Variants in ANKRD30BL observed in about 807,000 individuals in gnomAD.
ANKRD30BL encodes putative ankyrin repeat domain-containing protein 30B-like.
ANKRD30BL carries 20 observed loss-of-function variants against 18.4 expected under a neutral mutation model. That is an observed-to-expected ratio of 1.09 (90% CI 0.77 to 1.58). ANKRD30BL has a LOEUF of 1.58. Ranked by LOEUF, ANKRD30BL falls within the 40% of genes most tolerant of loss-of-function variation. The probability of loss-of-function intolerance (pLI) is 0.00; values close to 1 mark genes in which losing one functional copy is unlikely to be tolerated. For missense variants in ANKRD30BL, 224 were observed against 268.6 expected (o/e 0.83, Z 1.16); for synonymous variants, 72 against 100.9 (o/e 0.71, Z 1.72).
chr2:132,177,304 C>A (rs1688381697), intron 1 of ANKRD30BL, among the ~76,000 whole-genome samples: 1 of 152,080 alleles, frequency 6.6e-6, no homozygotes, highest in Non-Finnish European at 1.5e-5. Context: ...CAAGTGTGCA[C>A]CACCATGCCC....
intron 1 of ANKRD30BL, among the ~76,000 whole-genome samples, chr2:132,249,038 A>G (rs1332817706): frequency 6.6e-6 from 1 of 152,208 alleles, no homozygotes; most frequent in African/African-American, 2.4e-5. Context: ...CCATCTGCTC[A>G]ATGAAAAGAA....
intron 1 of ANKRD30BL, among the ~76,000 whole-genome samples, chr2:132,181,647 CA>C (rs1464884871): frequency 1.3e-5 from 2 of 152,064 alleles, no homozygotes; most frequent in African/African-American, 4.8e-5. Context: ...CCCTGGAGGC[CA>C]CATCTAAGGA....
chr2:132,175,702 A>G (rs1688356639), intron 1 of ANKRD30BL, among the ~76,000 whole-genome samples: 1 of 152,244 alleles, frequency 6.6e-6, no homozygotes, highest in South Asian at 2.1e-4. Context: ...TTTCCAGGGC[A>G]GAGGTCCCTG....
intron 1 of ANKRD30BL, among the ~76,000 whole-genome samples, chr2:132,222,652 G>A (rs1255087745): frequency 6.6e-6 from 1 of 151,664 alleles, no homozygotes; most frequent in Non-Finnish European, 1.5e-5. Context: ...CTCATTAAGA[G>A]TCATCACCAC....
chr2:132,201,466 C>T (rs1387997409), intron 1 of ANKRD30BL, among the ~76,000 whole-genome samples: 2 of 152,118 alleles, frequency 1.3e-5, no homozygotes, highest in Non-Finnish European at 2.9e-5. Context: ...ACAACCCCAT[C>T]AAAAAGTGGG....
chr2:132,240,237 G>A (rs1573880758), intron 1 of ANKRD30BL, among the ~76,000 whole-genome samples: 1 of 151,658 alleles, frequency 6.6e-6, no homozygotes, highest in Admixed American at 6.6e-5. Flanking sequence ...TCCTTATATA[G>A]AGCAGATTTG....
chr2:132,253,733 G>T (rs10170235), intron 1 of ANKRD30BL, among the ~76,000 whole-genome samples: 4 of 151,490 alleles, frequency 2.6e-5, no homozygotes, highest in Admixed American at 6.6e-5. Flanking sequence ...CAGGCAGACC[G>T]GCGACCCCTC....
intron 1 of ANKRD30BL, among the ~76,000 whole-genome samples, chr2:132,158,863 G>A (rs1042229329): frequency 6.6e-6 from 1 of 151,550 alleles, no homozygotes; most frequent in Non-Finnish European, 1.5e-5. Flanking sequence ...TAAAAAGATT[G>A]TCTTTTGAAG....
At chr2:132,151,829 G>A (rs72483726) in intron 4 of ANKRD30BL, among the ~76,000 whole-genome samples, 17,929 of 151,710 alleles carry the variant, frequency 0.12, 1,267 homozygotes, top group East Asian at 0.23. Flanking sequence ...CTATTACTGA[G>A]CTCATCAGTC....
chr2:132,148,614 C>T (rs1227176776), intron 5 of ANKRD30BL, among the ~76,000 whole-genome samples: 1 of 151,128 alleles, frequency 6.6e-6, no homozygotes, highest in Non-Finnish European at 1.5e-5. Flanking sequence ...AAGCAATCCG[C>T]CCGCTTTGGC....
intron 1 of ANKRD30BL, among the ~76,000 whole-genome samples, chr2:132,196,968 C>A (rs7425835): frequency 6.6e-6 from 1 of 152,172 alleles, no homozygotes; most frequent in East Asian, 1.9e-4. Context: ...AAGTCCCCAA[C>A]ACATGTATGA....
intron 1 of ANKRD30BL, among the ~76,000 whole-genome samples, chr2:132,228,732 T>C (rs1024366922): frequency 6.9e-6 from 1 of 145,512 alleles, no homozygotes; most frequent in Non-Finnish European, 1.5e-5. Flanking sequence ...AGCGGACATT[T>C]GGAGTGCTTT....
At chr2:132,228,895 G>A (rs1010217305) in intron 1 of ANKRD30BL, among the ~76,000 whole-genome samples, 8 of 151,670 alleles carry the variant, frequency 5.3e-5, no homozygotes, top group Non-Finnish European at 1.5e-5. Flanking sequence ...ATCTGCAAGT[G>A]GACATTTTGA....
At chr2:132,207,491 C>T (rs553350116) in intron 1 of ANKRD30BL, among the ~76,000 whole-genome samples, 15 of 150,832 alleles carry the variant, frequency 9.9e-5, no homozygotes, top group Admixed American at 1.3e-4. Flanking sequence ...CTCTGATTAT[C>T]GGACCAAACC....
chr2:132,241,146 A>C (rs141746224), intron 1 of ANKRD30BL, among the ~76,000 whole-genome samples: 1 of 149,158 alleles, frequency 6.7e-6, no homozygotes, highest in Non-Finnish European at 1.5e-5. Flanking sequence ...TGGTGAACTT[A>C]GAAGTCTATG....
chr2:132,197,157 T>C (rs1678985781), intron 1 of ANKRD30BL, among the ~76,000 whole-genome samples: 1 of 152,290 alleles, frequency 6.6e-6, no homozygotes, highest in Non-Finnish European at 1.5e-5. Flanking sequence ...CTTTACATGA[T>C]GCCATAAAAT....
intron 4 of ANKRD30BL, chr2:132,153,652 T>C (rs762163411): frequency 3.2e-5 from 40 of 1,241,210 alleles, no homozygotes; most frequent in Non-Finnish European, 4.1e-5. Context: ...GCTTGCCAAC[T>C]ATCTCTGATG....
intron 1 of ANKRD30BL, among the ~76,000 whole-genome samples, chr2:132,175,734 G>T (rs964291857): frequency 3.9e-5 from 6 of 152,324 alleles, no homozygotes; most frequent in African/African-American, 1.4e-4. Flanking sequence ...AGTGCATTGT[G>T]CCCCTGGTTT....
rs1679689462 is a variant in ANKRD30BL, at chr2:132,221,652, AGCCCCCCGCCCGGCCAGCCGCCCCG to A, written n.441+35852_441+35876del. 4.4e-5 allele frequency among the ~76,000 whole-genome samples: 5 copies of A among 112,820 alleles called. 1 individual carries two copies. The highest frequency in any genetic ancestry group is 2.3e-4 in the African/African-American group (5 of 22,140). The allele number at this position is 112,820 out of a possible 152,430, so 74.0% of individuals were successfully genotyped here. A position where few individuals can be genotyped will look rare whatever the true frequency, so the allele number is the denominator to read the frequency against. On this transcript the variant is annotated intron_variant and non_coding_transcript_variant, in intron 1 of 4. Transcript: ENST00000470729. ...AGTCCGGGAGGGAGGTGGGGGGTTC[AGCCCCCCGCCCGGCCAGCCGCCCCG>A]TCCGGGAGGGAGGTGGGGGGATCAG... is the stretch of plus-strand genomic sequence containing the variant.
Sources: allele counts gnomAD v4.1 joint callset (sites outside exome capture counted in the v4.1 genomes callset), GRCh38; gene constraint gnomAD v4.1.1; transcripts MANE v1.5; gene names NCBI Gene and HGNC (gene_info 2026-07-23, HGNC 2026-07-21).